Variants in MIS18BP1 observed in about 807,000 individuals in gnomAD.
The protein encoded by MIS18BP1 is mis18-binding protein 1.
Under a neutral mutation model 116.1 loss-of-function variants are expected in MIS18BP1, and 72 were observed. That is an observed-to-expected ratio of 0.62 (90% CI 0.51 to 0.75). The LOEUF is 0.75. MIS18BP1 is among the 30% of genes least tolerant of loss of function. MIS18BP1 has a pLI of 0.00. For missense variants in MIS18BP1, 1,363 were observed against 1,303.2 expected (o/e 1.05, Z -0.71); for synonymous variants, 386 against 427.0 (o/e 0.90, Z 1.18).
intron 4 of MIS18BP1, among the ~76,000 whole-genome samples, chr14:45,238,463 T>C (rs1463898500): frequency 7.2e-5 from 11 of 152,212 alleles, no homozygotes; most frequent in Non-Finnish European, 1.5e-4. Context: ...GGTAGTTTTA[T>C]ACTGAGTCAG....
At chr14:45,238,071 G>C (rs1012311119) in intron 4 of MIS18BP1, among the ~76,000 whole-genome samples, 3 of 151,424 alleles carry the variant, frequency 2.0e-5, no homozygotes, top group Non-Finnish European at 4.4e-5. Flanking sequence ...CAGTAACTTG[G>C]AGTGAAAAGG....
intron 12 of MIS18BP1, 27 bp downstream of exon 12, chr14:45,218,254 GA>G (rs1176772347): frequency 2.5e-6 from 4 of 1,603,976 alleles, no homozygotes; most frequent in East Asian, 2.2e-5. Flanking sequence ...TGAGTACTAG[GA>G]AAAAAACTAT....
chr14:45,249,391 T>A (rs1309437561), intron 1 of MIS18BP1, among the ~76,000 whole-genome samples: 1 of 152,110 alleles, frequency 6.6e-6, no homozygotes, highest in East Asian at 1.9e-4. Context: ...TATGTTTTTT[T>A]ACATTTTTTT....
At chr14:45,246,240 C>T (rs1264733790) in intron 2 of MIS18BP1, among the ~76,000 whole-genome samples, 4 of 152,144 alleles carry the variant, frequency 2.6e-5, no homozygotes. Flanking sequence ...ACCTACAAGG[C>T]CCTTATATTA....
intron 11 of MIS18BP1, among the ~76,000 whole-genome samples, chr14:45,223,203 CTCTT>C (rs1389249549): frequency 1.3e-5 from 2 of 152,226 alleles, no homozygotes; most frequent in Non-Finnish European, 2.9e-5. Flanking sequence ...TCTTTAAACT[CTCTT>C]TGTTACCCTT....
chr14:45,232,901 A>G, intron 6 of MIS18BP1, 81 bp from the exon 7 acceptor site: 1 of 687,424 alleles, frequency 1.5e-6, no homozygotes. Context: ...TACATCATTC[A>G]AGAAATATGC....
In MIS18BP1 at chr14:45,242,016, T is replaced by C. The variant is rs756554847; in HGVS notation, c.1143+18A>G. 1.9e-6 allele frequency: 3 copies of C among 1,583,126 alleles called. No individual in the cohort carries two copies. In the African/African-American group the frequency reaches 4.1e-5, roughly 22 times the overall value. ...GGGTAAAAATAGAAATAAATATCTG[T>C]CTTAAAAGTTTTCCCACCTGATTTT... On this transcript the variant is annotated intron_variant, in intron 4 of 16. Coordinates refer to ENST00000310806, the MANE Select transcript of MIS18BP1 (RefSeq NM_018353.5).
Position 45,231,149 on chromosome 14 carries a change from T to C in MIS18BP1, c.1586A>G (p.Asp529Gly), listed in dbSNP as rs61741577. The C allele has an allele frequency of 1.6e-3, 2,501 of 1,610,624 alleles. 47 individuals are homozygous for C. In the African/African-American group the frequency reaches 0.028, roughly 18 times the overall value. The change falls in exon 8 of 17, where the codon GAT becomes GGT. Residue 529 changes from aspartate (D) to glycine (G), a missense_variant. Physicochemically the swap from Asp to Gly is moderately conservative, Grantham distance 94. Coordinates refer to ENST00000310806, the MANE Select transcript of MIS18BP1 (RefSeq NM_018353.5). ...GTAAAGACAAAACATACCCAAATTA[T>C]CACAATCAAAATCGTAAGTGGTGGT... ...RATTTYDFDC[D>G]NLELKSNKHS...
At chr14:45,204,655 G>T (rs1019245563) in intron 15 of MIS18BP1, among the ~76,000 whole-genome samples, 1 of 151,978 alleles carries the variant, frequency 6.6e-6, no homozygotes, top group African/African-American at 2.4e-5. Context: ...ACTCAATGTT[G>T]TTTCCCAGTG....
At chr14:45,249,963 G>C (rs1891824364) in intron 1 of MIS18BP1, 1 of 152,188 alleles carries the variant, frequency 6.6e-6, no homozygotes, top group Non-Finnish European at 1.5e-5. Flanking sequence ...ATTCCTCAGA[G>C]CCTAATGAAA....
At chr14:45,215,854 G>A (rs567326546) in intron 13 of MIS18BP1, among the ~76,000 whole-genome samples, 200 of 151,780 alleles carry the variant, frequency 1.3e-3, no homozygotes, top group African/African-American at 4.5e-3. Flanking sequence ...ACAGGCGGCC[G>A]CCACCATGCC....
Position 45,204,387 on chromosome 14 carries a change from T to A in MIS18BP1, c.3295+12A>T. On this transcript the variant is annotated intron_variant, in intron 16 of 16. Coordinates refer to ENST00000310806, the MANE Select transcript of MIS18BP1 (RefSeq NM_018353.5). ...AGAACTGAGCCACAAAAGAAAGCTG[T>A]AAGTGTATTACCTGTGTTAAATGGG... The A allele has an allele frequency of 1.3e-6, 2 of 1,599,320 alleles. No homozygotes were observed. Among genetic ancestry groups the A allele is most frequent in the African/African-American group, 1.4e-5 (1 of 73,976 alleles).
At chr14:45,232,509 C>G (rs1891314868) in intron 7 of MIS18BP1, 1 of 446,334 alleles carries the variant, frequency 2.2e-6, no homozygotes, top group African/African-American at 2.1e-5. Context: ...TAAATTGTAC[C>G]TCAGGCCAGG....
At chr14:45,215,051 G>A (rs1158048912) in intron 13 of MIS18BP1, among the ~76,000 whole-genome samples, 1 of 152,082 alleles carries the variant, frequency 6.6e-6, no homozygotes, top group Non-Finnish European at 1.5e-5. Flanking sequence ...ATGCCCGGCA[G>A]TTCTGTTCTT....
At chr14:45,239,273 G>A (rs755656269) in intron 4 of MIS18BP1, among the ~76,000 whole-genome samples, 6 of 152,102 alleles carry the variant, frequency 3.9e-5, no homozygotes, top group Non-Finnish European at 7.3e-5. Context: ...GAGGCAAGCA[G>A]GATAATGGCA....
At chr14:45,248,282 G>A (rs1247953084) in intron 1 of MIS18BP1, among the ~76,000 whole-genome samples, 1 of 151,930 alleles carries the variant, frequency 6.6e-6, no homozygotes, top group African/African-American at 2.4e-5. Flanking sequence ...GGTCAGGCTG[G>A]TCTCAAACTC....
At position 45,242,809 on chromosome 14, in the gene MIS18BP1, T is replaced by A. The variant is rs1279318720; in HGVS notation, c.610A>T (p.Ile204Phe). The A allele has an allele frequency of 3.1e-6, 5 of 1,613,744 alleles. No homozygotes were observed. Among genetic ancestry groups the A allele is most frequent in the Non-Finnish European group, 4.2e-6 (5 of 1,179,810 alleles). Residue 204 changes from isoleucine (I) to phenylalanine (F), a missense_variant, in exon 3 of 17, where the codon ATT becomes TTT. Coordinates refer to ENST00000310806, the MANE Select transcript of MIS18BP1 (RefSeq NM_018353.5). The stretch of plus-strand genomic sequence containing the variant: ...GCTTTCTTTTCCTGCTGGCACTGAA[T>A]CTTTTGTTTGACCGGGAGGAAAATA... ...NDIFLPVKQK[I>F]QCQQEKKAPL... is the part of the protein sequence containing the mutation.
At chr14:45,211,072 T>A (rs1044954842) in intron 13 of MIS18BP1, among the ~76,000 whole-genome samples, 26 of 152,358 alleles carry the variant, frequency 1.7e-4, no homozygotes, top group African/African-American at 6.3e-4. Context: ...TTTTAAGATA[T>A]AACTTTGAGA....
chr14:45,222,719 T>C (rs569690044), intron 11 of MIS18BP1, among the ~76,000 whole-genome samples: 10 of 152,312 alleles, frequency 6.6e-5, no homozygotes, highest in South Asian at 4.1e-4. Flanking sequence ...CTGGGTGGCA[T>C]AGAAGTTCAT....
Sources: allele counts gnomAD v4.1 joint callset (sites outside exome capture counted in the v4.1 genomes callset), GRCh38; gene constraint gnomAD v4.1.1; transcripts MANE v1.5; gene names NCBI Gene and HGNC (gene_info 2026-07-23, HGNC 2026-07-21).